The following KTN1 variants were observed in gnomAD, a reference collection of about 807,000 sequenced individuals.
KTN1 encodes kinectin.
Under a neutral mutation model 222.5 loss-of-function variants are expected in KTN1, and 130 were observed. The observed-to-expected ratio is 0.58, with a 90% CI of 0.51 to 0.68. The LOEUF (loss-of-function observed/expected upper bound fraction) is 0.68. Ranked by LOEUF, KTN1 falls within the 30% of genes least tolerant of loss-of-function variation. The pLI, the probability that KTN1 is intolerant of heterozygous loss-of-function variation, is 0.00. For missense variants in KTN1, 1,508 were observed against 1,500.4 expected (o/e 1.01, Z -0.08); for synonymous variants, 512 against 496.3 (o/e 1.03, Z -0.42).
chr14:55,648,693 T>C, intron 20 of KTN1, 109 bp from the exon 21 acceptor site: 3 of 747,418 alleles, frequency 4.0e-6, no homozygotes, highest in Non-Finnish European at 6.9e-6. Flanking sequence ...TTTTGGGCCT[T>C]CCAGAGTAGA....
At chr14:55,593,874 A>G (rs943515631) in intron 1 of KTN1, among the ~76,000 whole-genome samples, 8 of 151,608 alleles carry the variant, frequency 5.3e-5, no homozygotes, top group African/African-American at 1.7e-4. Flanking sequence ...TCTTTTTACA[A>G]GCTGTGCAAA....
intron 24 of KTN1, chr14:55,651,158 C>T (rs2042901121): frequency 5.1e-6 from 2 of 389,110 alleles, no homozygotes; most frequent in Non-Finnish European, 5.1e-6. Context: ...ATTCATTCAG[C>T]AATATTTATT....
At chr14:55,590,480 C>T (rs1162725619) in intron 1 of KTN1, among the ~76,000 whole-genome samples, 2 of 152,026 alleles carry the variant, frequency 1.3e-5, no homozygotes, top group Non-Finnish European at 2.9e-5. Context: ...AGTTTGAGAA[C>T]ATAATCCTTT....
At position 55,605,886 on chromosome 14, in the gene KTN1, T is replaced by C. The variant is rs2036654686; in HGVS notation, c.-30-6133T>C. Among the ~76,000 whole-genome samples the C allele has an allele frequency of 2.0e-5, 3 of 152,198 alleles. No homozygotes were observed. The South Asian group carries it at 6.2e-4, about 32-fold the overall frequency. On this transcript the variant is annotated intron_variant, in intron 1 of 43. Coordinates refer to ENST00000395314, the MANE Select transcript of KTN1 (RefSeq NM_001079521.2). ...TAATTAAATGATACTTGGCTACCAA[T>C]AGTAAACTTTTTATCACTGTAGAGT...
At chr14:55,640,791 A>ATG (rs111629425) in intron 15 of KTN1, 142 bp from the exon 16 acceptor site, 10 of 692,390 alleles carry the variant, frequency 1.4e-5, no homozygotes, top group African/African-American at 7.3e-5. Context: ...TCGAACAGCA[A>ATG]AACATGTTAC....
At position 55,644,460 on chromosome 14, in the gene KTN1, A is replaced by G. The variant is rs1449788469; in HGVS notation, c.2173-2513A>G. 6 of 701,032 alleles carry G rather than the reference A, an allele frequency of 8.6e-6. No individual in the cohort carries two copies. The South Asian group carries it at 8.9e-5, about 10-fold the overall frequency. 43.4% of individuals were successfully genotyped at this position (701,032 alleles called of 1,614,324 possible). ...AGGTACCAAGTAAGTTAACCTGTTG[A>G]TACCCTAAAGGAGGGAAGGCTGCAT... On this transcript the variant is annotated intron_variant, in intron 18 of 43. Transcript: ENST00000395314.
rs188333726 is a variant in KTN1, at chr14:55,671,754, T to C, written c.3439-31T>C. 8.7e-4 allele frequency: 1,368 copies of C among 1,567,842 alleles called. 13 individuals are homozygous for C. The East Asian group carries it at 0.016, about 19-fold the overall frequency. ...TTTTATCTTGGCATTAGAACATGAA[T>C]TTTTCAAAACAACTATGCTTTTGTC... On this transcript the variant is annotated intron_variant, in intron 36 of 43. Transcript: ENST00000395314.
intron 9 of KTN1, among the ~76,000 whole-genome samples, chr14:55,636,123 G>C (rs917264157): frequency 1.3e-5 from 2 of 152,300 alleles, no homozygotes; most frequent in South Asian, 4.1e-4. Flanking sequence ...GCTAAAGGAA[G>C]GTTAGTGGGA....
intron 7 of KTN1, 35 bp downstream of exon 7, chr14:55,630,132 G>A (rs750031721): frequency 3.8e-6 from 6 of 1,595,884 alleles, no homozygotes; most frequent in Non-Finnish European, 5.2e-6. Context: ...AGATGAAATG[G>A]TTGCATTCAC....
At chr14:55,663,179 G>T (rs2044335310) in intron 32 of KTN1, 1 of 210,786 alleles carries the variant, frequency 4.7e-6, no homozygotes, top group Non-Finnish European at 9.9e-6. Flanking sequence ...GTAATAAATG[G>T]TGATTATTGG....
At chr14:55,614,295 G>T (rs961155640) in intron 2 of KTN1, among the ~76,000 whole-genome samples, 3 of 152,200 alleles carry the variant, frequency 2.0e-5, no homozygotes, top group Non-Finnish European at 2.9e-5. Context: ...GGCAGTATTT[G>T]ATGCCGGCAG....
chr14:55,643,790 C>T (rs1198616165), intron 18 of KTN1, among the ~76,000 whole-genome samples: 1 of 152,054 alleles, frequency 6.6e-6, no homozygotes, highest in Non-Finnish European at 1.5e-5. Context: ...ATGTAAAATT[C>T]CCAATCATAT....
intron 1 of KTN1, among the ~76,000 whole-genome samples, chr14:55,603,040 T>C (rs1265861119): frequency 6.6e-6 from 1 of 152,210 alleles, no homozygotes; most frequent in Non-Finnish European, 1.5e-5. Flanking sequence ...TTTCTACAGA[T>C]GAACTGGCTG....
rs1338037763 is a variant in KTN1, at chr14:55,637,327, G to T, written c.1679G>T (p.Arg560Met). 1.9e-6 allele frequency: 3 copies of T among 1,603,350 alleles called. No individual in the cohort carries two copies. The Admixed American group carries it at 5.1e-5, about 27-fold the overall frequency. The change falls in exon 11 of 44, where the codon AGG becomes ATG. Residue 560 changes from arginine (R) to methionine (M), a missense_variant. Physicochemically the swap from Arg to Met is moderately conservative, Grantham distance 91. Transcript: ENST00000395314. ...CAGTTAATGGAATCAGAGCAGAAAA[G>T]GGTGAACAAAGAAGAGTCTCTACAA... Reference protein sequence around the residue: ...LMQLMESEQKRVNKEESLQMQ... With the variant: ...LMQLMESEQKMVNKEESLQMQ...
intron 1 of KTN1, among the ~76,000 whole-genome samples, chr14:55,596,886 A>C (rs76201070): frequency 0.077 from 11,638 of 151,996 alleles, 496 homozygotes; most frequent in South Asian, 0.12. Flanking sequence ...TTCCAATTCA[A>C]GGTAATTATA....
chr14:55,622,081 T>C (rs2039221475), intron 5 of KTN1, among the ~76,000 whole-genome samples: 1 of 152,034 alleles, frequency 6.6e-6, no homozygotes, highest in South Asian at 2.1e-4. Context: ...TCTCCTGACC[T>C]CATGATCCGC....
chr14:55,582,834 C>T (rs1378353228), intron 1 of KTN1, among the ~76,000 whole-genome samples: 1 of 152,090 alleles, frequency 6.6e-6, no homozygotes, highest in Non-Finnish European at 1.5e-5. Flanking sequence ...TTTGAGAATA[C>T]ACCTTATGAC....
chr14:55,636,550 G>T lies in KTN1; in HGVS notation c.1549+14G>T. On this transcript the variant is annotated intron_variant, in intron 10 of 43. Coordinates refer to ENST00000395314, the MANE Select transcript of KTN1 (RefSeq NM_001079521.2). ...CAGCACAGCAAGGTAAGGGGAAGAA[G>T]TATTCATGTAAACTTTGTATATAAT... 1 of 1,579,450 alleles carries T rather than the reference G, an allele frequency of 6.3e-7. No homozygotes were observed. Among genetic ancestry groups the T allele is most frequent in the Non-Finnish European group, 8.7e-7 (1 of 1,154,952 alleles).
chr14:55,596,098 T>C (rs1173901681), intron 1 of KTN1, among the ~76,000 whole-genome samples: 2 of 136,574 alleles, frequency 1.5e-5, no homozygotes, highest in Admixed American at 8.4e-5. Context: ...GAGCTTACAG[T>C]GAGCTGAGAT....
Sources: allele counts gnomAD v4.1 joint callset (sites outside exome capture counted in the v4.1 genomes callset), GRCh38; gene constraint gnomAD v4.1.1; transcripts MANE v1.5; gene names NCBI Gene and HGNC (gene_info 2026-07-23, HGNC 2026-07-21).